The following GRM5 variants were observed in gnomAD, a reference collection of about 807,000 sequenced individuals.
GRM5 encodes metabotropic glutamate receptor 5.
In GRM5, 19 loss-of-function variants were observed where a neutral mutation model predicts 83.1. The observed-to-expected ratio is 0.23, with a 90% confidence interval of 0.16 to 0.34. The LOEUF is 0.34. Ranked by LOEUF, GRM5 falls within the 10% of genes least tolerant of loss-of-function variation. The probability of loss-of-function intolerance (pLI) is 1.00; values close to 1 mark genes in which losing one functional copy is unlikely to be tolerated. For synonymous variants in GRM5, 675 were observed against 633.6 expected, an observed-to-expected ratio of 1.07 and a Z score of -0.98; for missense variants, 1,160 against 1,588.3, an observed-to-expected ratio of 0.73 and a Z score of 4.58.
intron 3 of GRM5, among the ~76,000 whole-genome samples, chr11:88,765,319 A>G (rs1942606255): frequency 6.6e-6 from 1 of 151,104 alleles, no homozygotes; most frequent in Non-Finnish European, 1.5e-5. Flanking sequence ...TTAAGGAAAA[A>G]CTAACACCAA....
At chr11:88,873,615 T>C (rs1944804042) in intron 2 of GRM5, among the ~76,000 whole-genome samples, 2 of 151,538 alleles carry the variant, frequency 1.3e-5, no homozygotes, top group East Asian at 1.9e-4. Flanking sequence ...GGGCAACTAA[T>C]GAGTAATGAA....
At chr11:88,942,197 G>GA (rs1938138801) in intron 2 of GRM5, among the ~76,000 whole-genome samples, 1 of 151,918 alleles carries the variant, frequency 6.6e-6, no homozygotes, top group African/African-American at 2.4e-5. Context: ...GGCTGTGTCA[G>GA]AAAATTTTAT....
At chr11:88,684,940 T>A (rs1404705611) in intron 3 of GRM5, among the ~76,000 whole-genome samples, 1 of 152,214 alleles carries the variant, frequency 6.6e-6, no homozygotes, top group Non-Finnish European at 1.5e-5. Context: ...TATGTCTTTA[T>A]TAGCAGCATG....
Position 88,835,484 on chromosome 11 carries a change from A to G in GRM5, c.911+14422T>C, listed in dbSNP as rs1944078035. Among the ~76,000 whole-genome samples the G allele has an allele frequency of 2.0e-5, 3 of 152,166 alleles. No individual in the cohort carries two copies. The South Asian group carries it at 6.2e-4, about 32-fold the overall frequency. ...TCTTACTAGTTGTTACATATTTTAA[A>G]TCTCACCTCTGAGTATCATAGGAAG... On this transcript the variant is annotated intron_variant, in intron 3 of 9. Transcript: ENST00000305447.
At chr11:88,687,687 G>GTAA (rs1421583704) in intron 3 of GRM5, among the ~76,000 whole-genome samples, 1 of 140,458 alleles carries the variant, frequency 7.1e-6, no homozygotes, top group Non-Finnish European at 1.5e-5. Flanking sequence ...AGGAAAAATG[G>GTAA]TAATTTTCAA....
chr11:88,882,266 A>AAATAAATAAATC (rs1944967898), intron 2 of GRM5, among the ~76,000 whole-genome samples: 2 of 150,758 alleles, frequency 1.3e-5, no homozygotes, highest in Non-Finnish European at 3.0e-5. Context: ...ATAAATAAAT[A>AAATAAATAAATC]AATAATAAAA....
chr11:88,986,101 C>T (rs910025497), intron 2 of GRM5, among the ~76,000 whole-genome samples: 4 of 152,018 alleles, frequency 2.6e-5, no homozygotes, highest in Admixed American at 2.0e-4. Flanking sequence ...TTACAGATAT[C>T]CTTAAATGGA....
In GRM5 at chr11:88,567,073, G is replaced by A; in HGVS notation, c.2610C>T (p.Gly870=). The change falls in exon 8 of 10, where the codon GGC becomes GGT. Residue 870 remains glycine (G), a synonymous_variant. Transcript: ENST00000305447. This position sits in a 1 kb window ranked among gnomAD's most constrained non-coding sequence, Gnocchi z 7.3. The stretch of plus-strand genomic sequence containing the variant: ...TTTACCTTAAGGTTTCCCCAGAGGA[G>A]CCCCTTCTCTTCCACAGGTTGACTA... The part of the protein sequence containing the change: ...SSLVNLWKRR[G]SSGETLRYKD... The A allele has an allele frequency of 6.2e-7, 1 of 1,611,716 alleles. No homozygotes were observed. Among genetic ancestry groups the A allele is most frequent in the Non-Finnish European group, 8.5e-7 (1 of 1,178,350 alleles).
At chr11:89,058,795 A>G (rs1221153108) in intron 1 of GRM5, among the ~76,000 whole-genome samples, 2 of 152,208 alleles carry the variant, frequency 1.3e-5, no homozygotes, top group African/African-American at 4.8e-5. Flanking sequence ...GTATCCTACG[A>G]TATACTTCCC....
intron 2 of GRM5, among the ~76,000 whole-genome samples, chr11:88,885,070 T>C (rs1187177020): frequency 6.6e-6 from 1 of 152,070 alleles, no homozygotes; most frequent in Non-Finnish European, 1.5e-5. Flanking sequence ...TTTTTTAAAA[T>C]AATATTTTAT....
intron 2 of GRM5, among the ~76,000 whole-genome samples, chr11:89,035,908 C>T (rs193176212): frequency 6.6e-6 from 1 of 152,080 alleles, no homozygotes; most frequent in African/African-American, 2.4e-5. Context: ...TCTCAATGTA[C>T]TACAACTTGT....
intron 3 of GRM5, among the ~76,000 whole-genome samples, chr11:88,802,299 C>T (rs1943412247): frequency 6.6e-6 from 1 of 152,000 alleles, no homozygotes; most frequent in Admixed American, 6.6e-5. Context: ...TATCCATCAA[C>T]AGATAATTGA....
intron 3 of GRM5, among the ~76,000 whole-genome samples, chr11:88,674,871 C>T (rs1565181699): frequency 6.6e-6 from 1 of 151,898 alleles, no homozygotes; most frequent in Non-Finnish European, 1.5e-5. Flanking sequence ...TTAAATTTGG[C>T]TCTCTTTGTC....
Position 88,590,751 on chromosome 11 carries a change from G to A in GRM5, c.1564-24C>T, listed in dbSNP as rs772033520. On this transcript the variant is annotated intron_variant, in intron 6 of 9. Coordinates refer to ENST00000305447, the MANE Select transcript of GRM5 (RefSeq NM_001143831.3). ...ACCTAAGGCAAATATTTGAAATTTAGATTTTTTTTTGCATAGATAAAAATC... is the reference window on the plus strand; with the variant it reads ...ACCTAAGGCAAATATTTGAAATTTAAATTTTTTTTTGCATAGATAAAAATC... 4 of 1,599,736 alleles carry A rather than the reference G, an allele frequency of 2.5e-6. No individual in the cohort carries two copies. In the South Asian group the frequency reaches 4.5e-5, roughly 18 times the overall value.
At chr11:88,795,488 T>C (rs1369793438) in intron 3 of GRM5, among the ~76,000 whole-genome samples, 1 of 152,176 alleles carries the variant, frequency 6.6e-6, no homozygotes, top group Non-Finnish European at 1.5e-5. Context: ...GAAGGGCAAA[T>C]ATAATAGTGA....
intron 2 of GRM5, among the ~76,000 whole-genome samples, chr11:88,944,697 T>C: frequency 6.6e-6 from 1 of 151,768 alleles, no homozygotes. Flanking sequence ...AACACTGAAA[T>C]TCACCAGGAT....
At chr11:88,665,322 T>G (rs1327661018) in intron 3 of GRM5, among the ~76,000 whole-genome samples, 3 of 152,096 alleles carry the variant, frequency 2.0e-5, no homozygotes, top group Non-Finnish European at 4.4e-5. Context: ...TCATTGTTAG[T>G]AAGAGTCTCT....
intron 2 of GRM5, among the ~76,000 whole-genome samples, chr11:89,022,809 T>G (rs545152830): frequency 6.6e-6 from 1 of 152,296 alleles, no homozygotes; most frequent in Admixed American, 6.5e-5. Context: ...ATAAAATGTT[T>G]TCTGTGTCAA....
chr11:88,786,310 T>C (rs1466837660), intron 3 of GRM5, among the ~76,000 whole-genome samples: 1 of 152,110 alleles, frequency 6.6e-6, no homozygotes, highest in African/African-American at 2.4e-5. Context: ...TTGTTGACAT[T>C]GCTCCCTTGC....
Sources: allele counts gnomAD v4.1 joint callset (sites outside exome capture counted in the v4.1 genomes callset), GRCh38; gene constraint gnomAD v4.1.1; non-coding constraint Gnocchi (gnomAD v3.1); transcripts MANE v1.5; gene names NCBI Gene and HGNC (gene_info 2026-07-23, HGNC 2026-07-21).